Variants in MTDH observed in about 807,000 individuals in gnomAD.
MTDH encodes the protein protein LYRIC.
In MTDH, 34 loss-of-function variants were observed where a neutral mutation model predicts 72.7. The observed-to-expected ratio is 0.47, with a 90% CI of 0.36 to 0.62. The LOEUF (loss-of-function observed/expected upper bound fraction) is 0.62. MTDH is among the 20% of genes least tolerant of loss of function. The probability of loss-of-function intolerance (pLI) is 0.00; values close to 1 mark genes in which losing one functional copy is unlikely to be tolerated. For missense variants in MTDH, 677 were observed against 699.4 expected, an observed-to-expected ratio of 0.97 and a Z score of 0.36; for synonymous variants, 266 against 268.9, an observed-to-expected ratio of 0.99 and a Z score of 0.10.
chr8:97,664,750 CTTCT>C (rs978283508), intron 2 of MTDH, among the ~76,000 whole-genome samples: 4 of 147,106 alleles, frequency 2.7e-5, no homozygotes, highest in African/African-American at 7.5e-5. Flanking sequence ...TCCTTCCTTC[CTTCT>C]TTCCTTTCTT....
At chr8:97,674,004 T>A (rs990924160) in intron 2 of MTDH, among the ~76,000 whole-genome samples, 10 of 151,172 alleles carry the variant, frequency 6.6e-5, no homozygotes, top group Admixed American at 4.6e-4. Context: ...AAAATTTTTT[T>A]AATTAGCCAG....
intron 1 of MTDH, among the ~76,000 whole-genome samples, chr8:97,647,802 G>A (rs1460546932): frequency 6.6e-6 from 1 of 152,162 alleles, no homozygotes; most frequent in African/African-American, 2.4e-5. Flanking sequence ...GCTTGGGCCA[G>A]GCACAGTGGC....
At position 97,649,324 on chromosome 8, in the gene MTDH, A is replaced by G. The variant is rs377110256; in HGVS notation, c.381+4437A>G. Among the ~76,000 whole-genome samples the G allele has an allele frequency of 6.6e-5, 10 of 152,240 alleles. 1 individual carries two copies. In the South Asian group the frequency reaches 2.1e-3, roughly 32 times the overall value. On this transcript the variant is annotated intron_variant, in intron 1 of 11. Coordinates refer to ENST00000336273, the MANE Select transcript of MTDH (RefSeq NM_178812.4). ...AGACTGTTCTAACATCATCCTAACT[A>G]GTTTTCCTGCTTCCAGTTTCTTTTT...
At position 97,644,863 on chromosome 8, in the gene MTDH, G is replaced by C. The variant is rs201162615; in HGVS notation, c.357G>C (p.Arg119=). ...LRSEEQKKKN[R]KKLSEKPKPN... ...GCGAGGAACAGAAGAAGAAGAACCG[G>C]AAGAAACTGTCCGAGAAGCCCAAAG... The change falls in exon 1 of 12, where the codon CGG becomes CGC. Residue 119 remains arginine (R), a synonymous_variant. Coordinates refer to ENST00000336273, the MANE Select transcript of MTDH (RefSeq NM_178812.4). 249 of 1,570,444 alleles carry C rather than the reference G, an allele frequency of 1.6e-4. 1 individual carries two copies. The South Asian group carries it at 2.7e-3, about 17-fold the overall frequency.
intron 2 of MTDH, among the ~76,000 whole-genome samples, chr8:97,664,825 G>C (rs1351583939): frequency 6.7e-6 from 1 of 149,998 alleles, no homozygotes; most frequent in Non-Finnish European, 1.5e-5. Context: ...GCAATGGCAC[G>C]ATCTCAGCTC....
intron 2 of MTDH, among the ~76,000 whole-genome samples, chr8:97,681,099 A>G (rs1813050151): frequency 6.6e-6 from 1 of 152,238 alleles, no homozygotes; most frequent in African/African-American, 2.4e-5. Flanking sequence ...AGATAAAGCA[A>G]ATGGAGTGGA....
At position 97,725,074 on chromosome 8, in the gene MTDH, T is replaced by C. The variant is rs1407564215; in HGVS notation, c.*404T>C. ...CCTTGGATCTTATGCACAGAACTTG[T>C]ACCATTTGAATCTGTTTTATGCTTA... On this transcript the variant is annotated 3_prime_UTR_variant, in exon 12 of 12. Coordinates refer to ENST00000336273, the MANE Select transcript of MTDH (RefSeq NM_178812.4). 1 of 154,392 alleles carries C rather than the reference T, an allele frequency of 6.5e-6. No individual in the cohort carries two copies. Among genetic ancestry groups the C allele is most frequent in the African/African-American group, 2.4e-5 (1 of 41,502 alleles). 9.6% of individuals were successfully genotyped at this position (154,392 alleles called of 1,614,324 possible). A position where few individuals can be genotyped will look rare whatever the true frequency, so the allele number is the denominator to read the frequency against.
In MTDH at chr8:97,716,793, C is replaced by T. The variant is rs118110631; in HGVS notation, c.1381-2256C>T. Among the ~76,000 whole-genome samples the T allele has an allele frequency of 3.0e-3, 452 of 152,280 alleles. 18 individuals are homozygous for T. The East Asian group carries it at 0.052, about 17-fold the overall frequency. On this transcript the variant is annotated intron_variant, in intron 9 of 11. Coordinates refer to ENST00000336273, the MANE Select transcript of MTDH (RefSeq NM_178812.4). ...CATCACAGCTCACTGCAGCCTCAAC[C>T]TCCTGGGCTGAAGGGATCCTCCTGC... is the stretch of plus-strand genomic sequence containing the variant.
chr8:97,726,346 G>A lies in MTDH; in HGVS notation c.*1676G>A, dbSNP rs182218548. ...TGTTTTTTATTTGCTTCAATATGGGGGTAGATAATAGCTAAAGAGCCAAGG... is the reference window on the plus strand; with the variant it reads ...TGTTTTTTATTTGCTTCAATATGGGAGTAGATAATAGCTAAAGAGCCAAGG... On this transcript the variant is annotated 3_prime_UTR_variant, in exon 12 of 12. Transcript: ENST00000336273. The A allele has an allele frequency of 1.0e-4, 16 of 152,682 alleles. No homozygotes were observed. Among genetic ancestry groups the A allele is most frequent in the African/African-American group, 3.9e-4 (16 of 41,540 alleles). 9.5% of individuals were successfully genotyped at this position (152,682 alleles called of 1,614,324 possible). A position where few individuals can be genotyped will look rare whatever the true frequency, so the allele number is the denominator to read the frequency against.
chr8:97,677,180 CAAAAAAAAAAAAA>C (rs71271142), intron 2 of MTDH, among the ~76,000 whole-genome samples: 1,025 of 44,114 alleles, frequency 0.023, 20 homozygotes, highest in African/African-American at 0.076. Context: ...AAGCCTGTCT[CAAAAAAAAAAAAA>C]AAAAAAAAAA....
chr8:97,672,835 AG>A (rs1417054209), intron 2 of MTDH, among the ~76,000 whole-genome samples: 1 of 152,158 alleles, frequency 6.6e-6, no homozygotes, highest in Non-Finnish European at 1.5e-5. Context: ...TTCTTAAGAG[AG>A]GTTTCTTGTA....
chr8:97,712,785 G>C (rs1191722978), intron 8 of MTDH, among the ~76,000 whole-genome samples: 1 of 152,162 alleles, frequency 6.6e-6, no homozygotes, highest in East Asian at 1.9e-4. Flanking sequence ...AAATGGAGTT[G>C]AGCTTTTTCC....
intron 5 of MTDH, among the ~76,000 whole-genome samples, chr8:97,689,499 T>C (rs1813497574): frequency 6.6e-6 from 1 of 152,102 alleles, no homozygotes; most frequent in Non-Finnish European, 1.5e-5. Context: ...TATAATGTTT[T>C]AACTGCTTCC....
At chr8:97,718,956 A>G in intron 9 of MTDH, 93 bp from the exon 10 acceptor site, 1 of 1,205,506 alleles carries the variant, frequency 8.3e-7, no homozygotes. Context: ...TCCGCCTCCC[A>G]GAGTGCTGGG....
chr8:97,728,112 G>C lies in MTDH; in HGVS notation c.*3442G>C, dbSNP rs549870862. The C allele has an allele frequency of 2.0e-5, 3 of 152,136 alleles. No individual in the cohort carries two copies. The South Asian group carries it at 6.2e-4, about 32-fold the overall frequency. 9.4% of individuals were successfully genotyped at this position (152,136 alleles called of 1,614,324 possible). On this transcript the variant is annotated 3_prime_UTR_variant, in exon 12 of 12. Transcript: ENST00000336273. ...AGTGTGAAATATCTTTCAAAATTTA[G>C]AGTTTAGGTTTAAGATGTCTACTAG... is the stretch of plus-strand genomic sequence containing the variant.
intron 9 of MTDH, among the ~76,000 whole-genome samples, chr8:97,718,635 C>T (rs1308674404): frequency 6.6e-6 from 1 of 150,968 alleles, no homozygotes; most frequent in Non-Finnish European, 1.5e-5. Context: ...ATTCTCATAC[C>T]TCCTCCTGAG....
At chr8:97,705,494 G>A (rs1333861558) in intron 7 of MTDH, among the ~76,000 whole-genome samples, 1 of 152,172 alleles carries the variant, frequency 6.6e-6, no homozygotes, top group East Asian at 1.9e-4. Context: ...CAGCTACTCG[G>A]GAGGCTGAGG....
At chr8:97,691,532 A>G (rs1813607421) in intron 6 of MTDH, among the ~76,000 whole-genome samples, 1 of 152,226 alleles carries the variant, frequency 6.6e-6, no homozygotes. Context: ...CTAAATAAAA[A>G]TAGTAAATGG....
chr8:97,670,285 T>C (rs1410670900), intron 2 of MTDH, among the ~76,000 whole-genome samples: 1 of 151,826 alleles, frequency 6.6e-6, no homozygotes, highest in Non-Finnish European at 1.5e-5. Flanking sequence ...CACTGCCCTC[T>C]AGCCTGGGTG....
Sources: gnomAD v4.1 joint callset for allele counts (sites outside exome capture counted in the v4.1 genomes callset) on GRCh38, gnomAD v4.1.1 for gene constraint, MANE v1.5 for transcripts, NCBI Gene and HGNC (gene_info 2026-07-23, HGNC 2026-07-21) for gene names.